The following RNF144B variants were observed in gnomAD, a reference collection of about 807,000 sequenced individuals.
The protein encoded by RNF144B is ring finger protein 144B, also known as E3 ubiquitin-protein ligase RNF144B.
In RNF144B, 25 loss-of-function variants were observed where a neutral mutation model predicts 40.2. The observed-to-expected ratio is 0.62, with a 90% CI of 0.45 to 0.87. RNF144B has a LOEUF of 0.87. Ranked by LOEUF, RNF144B falls within the 40% of genes least tolerant of loss-of-function variation. The probability of loss-of-function intolerance (pLI) is 0.00; values close to 1 mark genes in which losing one functional copy is unlikely to be tolerated. For missense variants in RNF144B, 365 were observed against 373.7 expected (o/e 0.98, Z 0.19); for synonymous variants, 145 against 136.3 (o/e 1.06, Z -0.44).
In RNF144B at chr6:18,439,570, A is replaced by G. The variant is rs1261562451; in HGVS notation, c.271-114A>G. ...CAGTGTGGAGAAAAAGAGGTTTGCA[A>G]ACAATTGGTGTAGAGAAAGTATAAT... On this transcript the variant is annotated intron_variant, in intron 3 of 7. Transcript: ENST00000259939. The G allele has an allele frequency of 4.4e-5, 32 of 728,636 alleles. No homozygotes were observed. In the South Asian group the frequency reaches 5.1e-4, roughly 12 times the overall value. 45.1% of individuals were successfully genotyped at this position (728,636 alleles called of 1,614,324 possible).
chr6:18,388,710 C>T (rs1794518433), intron 1 of RNF144B, among the ~76,000 whole-genome samples: 1 of 152,132 alleles, frequency 6.6e-6, no homozygotes, highest in South Asian at 2.1e-4. Context: ...AAACCTATAG[C>T]AGATCCACAA....
At chr6:18,451,963 T>A (rs1405767574) in intron 4 of RNF144B, among the ~76,000 whole-genome samples, 10 of 152,156 alleles carry the variant, frequency 6.6e-5, no homozygotes, top group Non-Finnish European at 7.4e-5. Flanking sequence ...AGAGCCCTAA[T>A]TGAGGTGGGT....
chr6:18,432,661 G>T (rs559191515), intron 3 of RNF144B, among the ~76,000 whole-genome samples: 112 of 152,346 alleles, frequency 7.4e-4, no homozygotes, highest in African/African-American at 2.6e-3. Flanking sequence ...TCCTGGGAAA[G>T]TTTGAACCAT....
intron 4 of RNF144B, among the ~76,000 whole-genome samples, chr6:18,440,680 G>A (rs12660892): frequency 0.3 from 44,680 of 149,140 alleles, 7,681 homozygotes; most frequent in East Asian, 0.51. Context: ...AACGTACAGA[G>A]CATGAAGAGG....
intron 2 of RNF144B, 103 bp downstream of exon 2, chr6:18,399,802 A>G: frequency 3.5e-6 from 3 of 866,224 alleles, no homozygotes. Flanking sequence ...GTGTGCTACA[A>G]TATGATCCTG....
intron 6 of RNF144B, among the ~76,000 whole-genome samples, chr6:18,461,646 A>G (rs552774145): frequency 6.6e-5 from 10 of 152,324 alleles, no homozygotes; most frequent in African/African-American, 1.7e-4. Flanking sequence ...ATGGCTGAAT[A>G]CACAGACTTC....
Position 18,398,080 on chromosome 6 carries a change from G to A in RNF144B, c.-36-1419G>A, listed in dbSNP as rs1794726856. On this transcript the variant is annotated intron_variant, in intron 1 of 7. Transcript: ENST00000259939. This position sits in a 1 kb window ranked among gnomAD's most constrained non-coding sequence, Gnocchi z 5.0. Reference sequence around the variant, plus strand: ...GCTATGATTGTGCCACCACACTCGAGCCTGGGCAACAGAGAGAGACCCTTT... The same window carrying A: ...GCTATGATTGTGCCACCACACTCGAACCTGGGCAACAGAGAGAGACCCTTT... 6.6e-6 allele frequency among the ~76,000 whole-genome samples: 1 copy of A among 151,852 alleles called. No homozygotes were observed. Among genetic ancestry groups the A allele is most frequent in the African/African-American group, 2.4e-5 (1 of 41,290 alleles).
At chr6:18,401,428 T>A (rs1794799641) in intron 2 of RNF144B, among the ~76,000 whole-genome samples, 1 of 152,222 alleles carries the variant, frequency 6.6e-6, no homozygotes, top group South Asian at 2.1e-4. Context: ...GTCAAATGGC[T>A]GAATGTTTTT....
chr6:18,429,676 A>G (rs2113502113), intron 3 of RNF144B, among the ~76,000 whole-genome samples: 1 of 152,310 alleles, frequency 6.6e-6, no homozygotes, highest in African/African-American at 2.4e-5. Context: ...GTTACTAAGA[A>G]TATTGTTGAT....
chr6:18,395,634 A>G lies in RNF144B; in HGVS notation c.-36-3865A>G, dbSNP rs1346235086. Among the ~76,000 whole-genome samples the G allele has an allele frequency of 1.3e-5, 2 of 149,574 alleles. No homozygotes were observed. The highest frequency in any genetic ancestry group is 3.0e-5 in the Non-Finnish European group (2 of 67,512). ...ATTTCATTCATTTTTTTAACTATCC[A>G]TTGTTGGTTTTGCCCAAAGTGAGAA... is the stretch of plus-strand genomic sequence containing the variant. On this transcript the variant is annotated intron_variant, in intron 1 of 7. Transcript: ENST00000259939. The surrounding 1 kb of genome is among the most constrained non-coding windows in gnomAD (Gnocchi z 4.5).
In RNF144B at chr6:18,460,774, G is replaced by T. The variant is rs1021838869; in HGVS notation, c.681+1023G>T. Among the ~76,000 whole-genome samples, 1 of 152,126 alleles carries T rather than the reference G, an allele frequency of 6.6e-6. No individual in the cohort carries two copies. The highest frequency in any genetic ancestry group is 1.5e-5 in the Non-Finnish European group (1 of 68,034). ...GAGGTGCAGTTTTATTCAGCCCTGT[G>T]CCAAGGCTAATGGTAACTTCAGAGT... is the stretch of plus-strand genomic sequence containing the variant. On this transcript the variant is annotated intron_variant, in intron 6 of 7. Transcript: ENST00000259939. The surrounding 1 kb of genome is among the most constrained non-coding windows in gnomAD (Gnocchi z 4.4).
chr6:18,405,549 T>C lies in RNF144B; in HGVS notation c.165+5850T>C, dbSNP rs888737824. On this transcript the variant is annotated intron_variant, in intron 2 of 7. Transcript: ENST00000259939. The surrounding 1 kb of genome is among the most constrained non-coding windows in gnomAD (Gnocchi z 4.5). ...GTAAATCAGTGAATTTGTCTTTGTT[T>C]GTGAAATAACTTCAATATACTCACT... Among the ~76,000 whole-genome samples, 10 of 152,282 alleles carry C rather than the reference T, an allele frequency of 6.6e-5. No individual in the cohort carries two copies. The highest frequency in any genetic ancestry group is 2.4e-4 in the African/African-American group (10 of 41,560).
Position 18,459,195 on chromosome 6 carries a change from TAA to T in RNF144B, c.537-410_537-409del, listed in dbSNP as rs770398137. On this transcript the variant is annotated intron_variant, in intron 5 of 7. Transcript: ENST00000259939. The surrounding 1 kb of genome is among the most constrained non-coding windows in gnomAD (Gnocchi z 4.2). ...CTTTTGAAAGTATTTGACATTATTT[TAA>T]AGTGTTTATATTTGAGAACCCCTTC... 5.9e-5 allele frequency among the ~76,000 whole-genome samples: 9 copies of T among 152,224 alleles called. No homozygotes were observed. Among genetic ancestry groups the T allele is most frequent in the Non-Finnish European group, 1.2e-4 (8 of 68,044 alleles).
In RNF144B at chr6:18,463,718, A is replaced by G. The variant is rs188321103; in HGVS notation, c.771+338A>G. 4.0e-4 allele frequency among the ~76,000 whole-genome samples: 61 copies of G among 152,340 alleles called. 1 individual carries two copies. The highest frequency in any genetic ancestry group is 3.5e-3 in the Admixed American group (54 of 15,308). ...TTAAGGCATATTACCTATCAAAGGC[A>G]GTGTATTAGTCTGTTCTCACACTGC... On this transcript the variant is annotated intron_variant, in intron 7 of 7. Coordinates refer to ENST00000259939, the MANE Select transcript of RNF144B (RefSeq NM_182757.4).
At chr6:18,392,035 TAAAAAAAAA>T (rs10643409) in intron 1 of RNF144B, among the ~76,000 whole-genome samples, 5,464 of 71,116 alleles carry the variant, frequency 0.077, 236 homozygotes, top group African/African-American at 0.18. Context: ...CCATCTCTAC[TAAAAAAAAA>T]AAAAAAAAAA....
intron 1 of RNF144B, chr6:18,396,848 T>G (rs1412100193): frequency 1.0e-6 from 1 of 983,968 alleles, no homozygotes. Flanking sequence ...TTTACCCGTA[T>G]GTTTATCATA....
rs537747940 is a variant in RNF144B at position 18,449,636 on chromosome 6, T to C, written c.332-7519T>C. Among the ~76,000 whole-genome samples the C allele has an allele frequency of 1.5e-4, 23 of 152,132 alleles. No individual in the cohort carries two copies. In the South Asian group the frequency reaches 3.9e-3, roughly 26 times the overall value. ...TTATCTTATGTGTTAATCTATTTAA[T>C]GAATTTTTAAAAATTGACAGATAAA... On this transcript the variant is annotated intron_variant, in intron 4 of 7. Coordinates refer to ENST00000259939, the MANE Select transcript of RNF144B (RefSeq NM_182757.4).
In RNF144B at chr6:18,456,500, A is replaced by G. The variant is rs550782463; in HGVS notation, c.332-655A>G. 6.6e-6 allele frequency among the ~76,000 whole-genome samples: 1 copy of G among 152,328 alleles called. No individual in the cohort carries two copies. Among genetic ancestry groups the G allele is most frequent in the Admixed American group, 6.5e-5 (1 of 15,302 alleles). ...CAATTCTCTTCCAAGATAGTGCCCA[A>G]ATAATTGTAGAAGGGATTTGAGATT... On this transcript the variant is annotated intron_variant, in intron 4 of 7. Coordinates refer to ENST00000259939, the MANE Select transcript of RNF144B (RefSeq NM_182757.4). This position sits in a 1 kb window ranked among gnomAD's most constrained non-coding sequence, Gnocchi z 4.7.
At chr6:18,439,401 T>G (rs1758905757) in intron 3 of RNF144B, among the ~76,000 whole-genome samples, 3 of 152,078 alleles carry the variant, frequency 2.0e-5, no homozygotes, top group Admixed American at 6.6e-5. Context: ...GTAATAAAAT[T>G]TTGTTGTCTG....
Sources: gnomAD v4.1 joint callset for allele counts (sites outside exome capture counted in the v4.1 genomes callset) on GRCh38, gnomAD v4.1.1 for gene constraint, Gnocchi (gnomAD v3.1) non-coding constraint, MANE v1.5 for transcripts, NCBI Gene and HGNC (gene_info 2026-07-23, HGNC 2026-07-21) for gene names.